The following ADCY8 variants were observed in gnomAD, a reference collection of about 807,000 sequenced individuals.
ADCY8 encodes adenylate cyclase type 8.
ADCY8 carries 51 observed loss-of-function variants against 119.7 expected under a neutral mutation model. The ratio of observed to expected loss-of-function variants is 0.43; its 90% CI spans 0.34 to 0.54. ADCY8 has a LOEUF of 0.54. ADCY8 is among the 20% of genes least tolerant of loss of function. ADCY8 has a pLI of 0.03. For synonymous variants in ADCY8, 665 were observed against 651.0 expected (o/e 1.02, Z -0.33); for missense variants, 1,383 against 1,598.8 (o/e 0.87, Z 2.30).
chr8:130,890,759 G>C (rs951240300), intron 7 of ADCY8, among the ~76,000 whole-genome samples: 3 of 152,154 alleles, frequency 2.0e-5, no homozygotes, highest in Admixed American at 2.0e-4. Context: ...AGCCTTTTCT[G>C]GGACCAGCAC....
intron 2 of ADCY8, among the ~76,000 whole-genome samples, chr8:130,977,509 T>G (rs1394960821): frequency 6.6e-6 from 1 of 152,216 alleles, no homozygotes; most frequent in East Asian, 1.9e-4. Context: ...GTCTGAGGAT[T>G]TTGCTTTCTG....
At chr8:130,876,543 A>G (rs1818572730) in intron 8 of ADCY8, among the ~76,000 whole-genome samples, 1 of 152,062 alleles carries the variant, frequency 6.6e-6, no homozygotes, top group Admixed American at 6.5e-5. Context: ...GTATTCACTT[A>G]TTTGATTCTT....
At chr8:130,800,349 A>C (rs1390921323) in intron 15 of ADCY8, 77 bp downstream of exon 15, 1 of 1,535,436 alleles carries the variant, frequency 6.5e-7, no homozygotes, top group Non-Finnish European at 8.8e-7. Context: ...AAAAATAAGT[A>C]ATTCCTACAA....
intron 1 of ADCY8, among the ~76,000 whole-genome samples, chr8:130,996,362 A>T (rs1470175828): frequency 6.6e-6 from 1 of 152,122 alleles, no homozygotes; most frequent in Non-Finnish European, 1.5e-5. Context: ...GAAAGAACAC[A>T]TGAGTTAGAC....
chr8:130,942,913 A>T (rs1820998192), intron 4 of ADCY8, among the ~76,000 whole-genome samples: 1 of 152,146 alleles, frequency 6.6e-6, no homozygotes, highest in Non-Finnish European at 1.5e-5. Context: ...GTTGATCAAG[A>T]TGGTGGTGGG....
intron 12 of ADCY8, among the ~76,000 whole-genome samples, chr8:130,835,363 C>A (rs141932643): frequency 1.3e-5 from 2 of 152,196 alleles, no homozygotes; most frequent in East Asian, 3.9e-4. Flanking sequence ...CTTTTTCCCA[C>A]CTTAGAGCCT....
In ADCY8 at chr8:130,975,460, A is replaced by T. The variant is rs565012502; in HGVS notation, c.1110+14933T>A. 6.6e-5 allele frequency among the ~76,000 whole-genome samples: 10 copies of T among 152,244 alleles called. No homozygotes were observed. In the South Asian group the frequency reaches 2.1e-3, roughly 32 times the overall value. On this transcript the variant is annotated intron_variant, in intron 2 of 17. Coordinates refer to ENST00000286355, the MANE Select transcript of ADCY8 (RefSeq NM_001115.3). ...TCTGTGGGGAATGCAGGAGCAAGAA[A>T]CTCCCAACCACAAAACAAGGTCCAT...
chr8:130,835,076 T>C (rs1563684514), intron 12 of ADCY8, among the ~76,000 whole-genome samples: 1 of 152,206 alleles, frequency 6.6e-6, no homozygotes, highest in Non-Finnish European at 1.5e-5. Flanking sequence ...CATATTTTCT[T>C]AGCCTTCTTG....
chr8:130,948,392 G>A (rs1821168626), intron 3 of ADCY8, among the ~76,000 whole-genome samples: 1 of 152,146 alleles, frequency 6.6e-6, no homozygotes, highest in Non-Finnish European at 1.5e-5. Context: ...AGTCTCAGAG[G>A]TTGATAGCTG....
At chr8:131,031,193 G>C (rs1022513920) in intron 1 of ADCY8, among the ~76,000 whole-genome samples, 19 of 152,108 alleles carry the variant, frequency 1.2e-4, no homozygotes, top group African/African-American at 4.3e-4. Flanking sequence ...CTGATGGATT[G>C]TTGCACAGCT....
chr8:131,018,607 G>A (rs1228694802), intron 1 of ADCY8, among the ~76,000 whole-genome samples: 1 of 152,172 alleles, frequency 6.6e-6, no homozygotes, highest in African/African-American at 2.4e-5. Flanking sequence ...TACAGGCTTG[G>A]CACCACTCTG....
At chr8:130,847,694 A>C (rs1435418569) in intron 10 of ADCY8, among the ~76,000 whole-genome samples, 181 bp from the exon 11 acceptor site, 1 of 152,108 alleles carries the variant, frequency 6.6e-6, no homozygotes, top group Admixed American at 6.6e-5. Context: ...GCCAGCTTTG[A>C]TTTCTTTTAT....
chr8:130,897,948 ACACAC>A lies in ADCY8; in HGVS notation c.1911+5819_1911+5823del, dbSNP rs61064533. Among the ~76,000 whole-genome samples, 464 of 151,642 alleles carry A rather than the reference ACACAC, an allele frequency of 3.1e-3. 3 individuals carry two copies. Among genetic ancestry groups the A allele is most frequent in the Middle Eastern group, 0.01 (3 of 294 alleles). ...CACACCATGTACAAATACACATAAC[ACACAC>A]CACACCACACCACACACATATTCAC... On this transcript the variant is annotated intron_variant, in intron 7 of 17. Coordinates refer to ENST00000286355, the MANE Select transcript of ADCY8 (RefSeq NM_001115.3).
At chr8:130,907,815 A>T (rs967360419) in intron 6 of ADCY8, among the ~76,000 whole-genome samples, 2 of 152,194 alleles carry the variant, frequency 1.3e-5, no homozygotes, top group East Asian at 1.9e-4. Flanking sequence ...TATGATGCTG[A>T]GGTTCGGGGT....
At chr8:130,990,326 A>G (rs1822534643) in intron 2 of ADCY8, 67 bp downstream of exon 2, 5 of 1,563,938 alleles carry the variant, frequency 3.2e-6, no homozygotes, top group South Asian at 1.2e-5. Context: ...GGAGTAAAAC[A>G]GTAGCTCCAT....
intron 11 of ADCY8, among the ~76,000 whole-genome samples, chr8:130,841,823 T>C (rs1363614271): frequency 6.6e-6 from 1 of 152,216 alleles, no homozygotes; most frequent in African/African-American, 2.4e-5. Flanking sequence ...CTGGACTTAT[T>C]GCTTTACACA....
At chr8:130,813,238 C>A (rs1897982) in intron 14 of ADCY8, among the ~76,000 whole-genome samples, 1 of 152,026 alleles carries the variant, frequency 6.6e-6, no homozygotes, top group African/African-American at 2.4e-5. Context: ...TGAGCCACTG[C>A]GCCCGGCCAT....
At chr8:130,863,602 T>A (rs1818017327) in intron 9 of ADCY8, among the ~76,000 whole-genome samples, 1 of 152,194 alleles carries the variant, frequency 6.6e-6, no homozygotes, top group Admixed American at 6.5e-5. Context: ...TAATTTTATT[T>A]TTTCCTAGCA....
At chr8:130,865,116 T>C (rs1818070197) in intron 9 of ADCY8, among the ~76,000 whole-genome samples, 1 of 152,158 alleles carries the variant, frequency 6.6e-6, no homozygotes, top group South Asian at 2.1e-4. Flanking sequence ...AGAAAGAATC[T>C]GTGTCTTGCA....
Sources: gnomAD v4.1 joint callset for allele counts (sites outside exome capture counted in the v4.1 genomes callset) on GRCh38, gnomAD v4.1.1 for gene constraint, MANE v1.5 for transcripts, NCBI Gene and HGNC (gene_info 2026-07-23, HGNC 2026-07-21) for gene names.